Variants in CNTNAP4 observed in about 807,000 individuals in gnomAD.
CNTNAP4 encodes contactin associated protein family member 4.
A neutral mutation model predicts 148.4 loss-of-function variants in CNTNAP4; 98 were observed. The ratio of observed to expected loss-of-function variants is 0.66; its 90% CI spans 0.56 to 0.78. The LOEUF is 0.78. Ranked by LOEUF, CNTNAP4 falls within the 30% of genes least tolerant of loss-of-function variation. The pLI is 0.00. For synonymous variants in CNTNAP4, 730 were observed against 565.1 expected (o/e 1.29, Z -4.14); for missense variants, 1,935 against 1,565.6 (o/e 1.24, Z -3.98).
intron 2 of CNTNAP4, among the ~76,000 whole-genome samples, chr16:76,328,276 C>T (rs767623008): frequency 6.6e-6 from 1 of 152,124 alleles, no homozygotes; most frequent in Non-Finnish European, 1.5e-5. Flanking sequence ...GTGAAAATGG[C>T]ATTTTACCTC....
intron 12 of CNTNAP4, 46 bp downstream of exon 12, chr16:76,479,584 T>G: frequency 6.4e-7 from 1 of 1,571,030 alleles, no homozygotes; most frequent in Non-Finnish European, 8.6e-7. Context: ...GCATGCATGT[T>G]TTAAATAGGC....
intron 9 of CNTNAP4, among the ~76,000 whole-genome samples, chr16:76,464,645 T>C (rs987424338): frequency 2.0e-5 from 3 of 152,194 alleles, no homozygotes; most frequent in African/African-American, 7.2e-5. Context: ...AGTTTCCAGT[T>C]ATTTTATCTG....
chr16:76,467,891 T>G (rs2143506099), intron 10 of CNTNAP4, among the ~76,000 whole-genome samples: 1 of 152,282 alleles, frequency 6.6e-6, no homozygotes, highest in South Asian at 2.1e-4. Flanking sequence ...TACCAATAAA[T>G]TTGAGACTAT....
chr16:76,494,794 CTTTCTCCT>C (rs1447384283), intron 13 of CNTNAP4, 108 bp from the exon 14 acceptor site: 8 of 1,127,374 alleles, frequency 7.1e-6, no homozygotes, highest in African/African-American at 1.6e-5. Context: ...TCCAATCAAT[CTTTCTCCT>C]TTTCTCCTTT....
At chr16:76,370,665 G>A (rs1201920843) in intron 3 of CNTNAP4, among the ~76,000 whole-genome samples, 1 of 152,126 alleles carries the variant, frequency 6.6e-6, no homozygotes, top group Admixed American at 6.5e-5. Context: ...AGAACGATGA[G>A]GACAGCCTGA....
At chr16:76,535,870 A>G in intron 18 of CNTNAP4, 86 bp downstream of exon 18, 6 of 1,433,548 alleles carry the variant, frequency 4.2e-6, no homozygotes, top group Non-Finnish European at 5.6e-6. Context: ...CAGCTATTTG[A>G]AACAAAAAAA....
chr16:76,507,055 CATTTTTA>C (rs1288147067), intron 15 of CNTNAP4, among the ~76,000 whole-genome samples: 20 of 97,342 alleles, frequency 2.1e-4, no homozygotes, highest in African/African-American at 5.1e-4. Flanking sequence ...TAGCAATTTA[CATTTTTA>C]ATTTTTAATT....
At chr16:76,434,018 T>C (rs2145094529) in intron 4 of CNTNAP4, among the ~76,000 whole-genome samples, 1 of 151,134 alleles carries the variant, frequency 6.6e-6, no homozygotes, top group Middle Eastern at 3.5e-3. Context: ...CTAATATATA[T>C]ATGTGTGTGT....
intron 1 of CNTNAP4, among the ~76,000 whole-genome samples, chr16:76,281,348 G>C (rs1467707591): frequency 1.3e-5 from 2 of 152,002 alleles, no homozygotes; most frequent in Non-Finnish European, 2.9e-5. Flanking sequence ...AGATCAGCAC[G>C]TACTTTGACT....
chr16:76,338,508 G>A lies in CNTNAP4; in HGVS notation c.197-16810G>A, dbSNP rs193061348. 3.9e-5 allele frequency among the ~76,000 whole-genome samples: 6 copies of A among 152,204 alleles called. No homozygotes were observed. In the East Asian group the frequency reaches 1.2e-3, roughly 29 times the overall value. On this transcript the variant is annotated intron_variant, in intron 2 of 23. Coordinates refer to ENST00000611870, the MANE Select transcript of CNTNAP4 (RefSeq NM_033401.5). ...CAATCCTTCACTGTGGCCTTCCAGTGTCCCACCCTGGAACCCAAGTGAAAT... is the reference window on the plus strand; with the variant it reads ...CAATCCTTCACTGTGGCCTTCCAGTATCCCACCCTGGAACCCAAGTGAAAT...
chr16:76,544,527 C>T (rs1044316641), intron 21 of CNTNAP4, among the ~76,000 whole-genome samples: 1 of 152,108 alleles, frequency 6.6e-6, no homozygotes, highest in Non-Finnish European at 1.5e-5. Flanking sequence ...TACTTAATAA[C>T]TTTGGCAATA....
At chr16:76,356,410 C>T (rs1213646287) in intron 3 of CNTNAP4, among the ~76,000 whole-genome samples, 1 of 152,050 alleles carries the variant, frequency 6.6e-6, no homozygotes, top group Non-Finnish European at 1.5e-5. Context: ...GTGTTGTAAA[C>T]AGTGGTGCAG....
rs777736786 is a variant in CNTNAP4, at chr16:76,553,922, G to A, written c.3733+15G>A. On this transcript the variant is annotated intron_variant, in intron 23 of 23. Coordinates refer to ENST00000611870, the MANE Select transcript of CNTNAP4 (RefSeq NM_033401.5). The stretch of plus-strand genomic sequence containing the variant: ...AGTAATTGGAGGTAATAAGAAGCAT[G>A]AATGAGCTCTTCTTTGGTTGTTCTT... 1.3e-6 allele frequency: 2 copies of A among 1,495,700 alleles called. No homozygotes were observed. The highest frequency in any genetic ancestry group is 1.7e-5 in the Admixed American group (1 of 59,260). 92.7% of individuals were successfully genotyped at this position (1,495,700 alleles called of 1,614,324 possible). A position where few individuals can be genotyped will look rare whatever the true frequency, so the allele number is the denominator to read the frequency against.
At chr16:76,552,481 T>A (rs2084995373) in intron 21 of CNTNAP4, among the ~76,000 whole-genome samples, 1 of 152,212 alleles carries the variant, frequency 6.6e-6, no homozygotes, top group South Asian at 2.1e-4. Flanking sequence ...GTATAATATA[T>A]TCCTAAGTTA....
At chr16:76,419,978 A>G (rs543314270) in intron 3 of CNTNAP4, among the ~76,000 whole-genome samples, 1 of 152,146 alleles carries the variant, frequency 6.6e-6, no homozygotes, top group African/African-American at 2.4e-5. Context: ...TTCCAAATAC[A>G]GTCACATTGT....
chr16:76,344,088 T>A (rs1964710218), intron 2 of CNTNAP4, among the ~76,000 whole-genome samples: 1 of 152,218 alleles, frequency 6.6e-6, no homozygotes, highest in South Asian at 2.1e-4. Flanking sequence ...CTTCAAACTC[T>A]GAATTCTCTT....
intron 3 of CNTNAP4, among the ~76,000 whole-genome samples, chr16:76,401,471 T>A (rs1475300835): frequency 6.6e-6 from 1 of 152,310 alleles, no homozygotes; most frequent in African/African-American, 2.4e-5. Context: ...TTTCTAGATA[T>A]AGAATCATGT....
chr16:76,494,391 G>C (rs1487084054), intron 13 of CNTNAP4, among the ~76,000 whole-genome samples: 1 of 152,088 alleles, frequency 6.6e-6, no homozygotes, highest in Non-Finnish European at 1.5e-5. Context: ...CTTAAATCAT[G>C]ACAAGGGAGT....
intron 17 of CNTNAP4, among the ~76,000 whole-genome samples, chr16:76,524,162 TA>T (rs2083609476): frequency 6.6e-6 from 1 of 152,220 alleles, no homozygotes; most frequent in Non-Finnish European, 1.5e-5. Context: ...TTTACTCAAA[TA>T]TTTAATGAAT....
Sources: gnomAD v4.1 joint callset for allele counts (sites outside exome capture counted in the v4.1 genomes callset) on GRCh38, gnomAD v4.1.1 for gene constraint, MANE v1.5 for transcripts, NCBI Gene and HGNC (gene_info 2026-07-23, HGNC 2026-07-21) for gene names.